Variants in CLINT1 observed in about 807,000 individuals in gnomAD.
CLINT1 encodes the protein clathrin interactor 1.
CLINT1 carries 15 observed loss-of-function variants against 70.4 expected under a neutral mutation model. The ratio of observed to expected loss-of-function variants is 0.21; its 90% CI spans 0.14 to 0.33. The LOEUF is 0.33. Among genes scored for constraint, CLINT1 ranks in the 10% least tolerant of loss-of-function variants. CLINT1 has a pLI of 1.00. For missense variants in CLINT1, 615 were observed against 778.1 expected, an observed-to-expected ratio of 0.79 and a Z score of 2.49; for synonymous variants, 227 against 254.7, an observed-to-expected ratio of 0.89 and a Z score of 1.04.
intron 7 of CLINT1, among the ~76,000 whole-genome samples, chr5:157,804,643 T>C (rs1364226937): frequency 1.3e-5 from 2 of 151,994 alleles, no homozygotes; most frequent in Non-Finnish European, 2.9e-5. Flanking sequence ...AAGCTTGTAC[T>C]GCCGGGCGCG....
At chr5:157,843,771 T>A (rs1753275673) in intron 1 of CLINT1, among the ~76,000 whole-genome samples, 1 of 152,132 alleles carries the variant, frequency 6.6e-6, no homozygotes, top group African/African-American at 2.4e-5. Flanking sequence ...TAAAATCAGT[T>A]AGCCTTAAAA....
At chr5:157,833,553 T>C (rs1763316448) in intron 1 of CLINT1, among the ~76,000 whole-genome samples, 1 of 152,088 alleles carries the variant, frequency 6.6e-6, no homozygotes, top group Non-Finnish European at 1.5e-5. Context: ...TGCCACTTCC[T>C]CCAAGAAACC....
At chr5:157,813,316 T>G in intron 4 of CLINT1, 89 bp from the exon 5 acceptor site, 1 of 1,197,258 alleles carries the variant, frequency 8.4e-7, no homozygotes. Flanking sequence ...CACAAAAACT[T>G]CAACATAAGA....
chr5:157,840,334 A>G (rs1445586655), intron 1 of CLINT1, among the ~76,000 whole-genome samples: 1 of 152,098 alleles, frequency 6.6e-6, no homozygotes, highest in Non-Finnish European at 1.5e-5. Context: ...CTCTTCATTA[A>G]AAGAGACTAG....
chr5:157,854,108 T>C (rs1581553516), intron 1 of CLINT1, among the ~76,000 whole-genome samples: 1 of 152,352 alleles, frequency 6.6e-6, no homozygotes, highest in Non-Finnish European at 1.5e-5. Context: ...ACTATCTTAC[T>C]ATCTCTGCTT....
At chr5:157,817,291 T>A (rs1344296501) in intron 2 of CLINT1, among the ~76,000 whole-genome samples, 152 bp downstream of exon 2, 1 of 152,138 alleles carries the variant, frequency 6.6e-6, no homozygotes, top group Non-Finnish European at 1.5e-5. Flanking sequence ...CTTTCCACAT[T>A]AGTATCTGAA....
In CLINT1 at chr5:157,792,010, AC is replaced by A. The variant is rs1277710167; in HGVS notation, c.1088-16del. 1 of 1,602,906 alleles carries A rather than the reference AC, an allele frequency of 6.2e-7. No homozygotes were observed. Among genetic ancestry groups the A allele is most frequent in the South Asian group, 1.1e-5 (1 of 89,764 alleles). On this transcript the variant is annotated splice_polypyrimidine_tract_variant and intron_variant, in intron 9 of 11. Transcript: ENST00000411809. ...TGTTGCTGTTACTAAGACAGAAATA[AC>A]TCTAAGGGTAAGAAACTTCATGGAA...
chr5:157,797,064 A>G (rs1397379058), intron 8 of CLINT1, among the ~76,000 whole-genome samples: 3 of 152,192 alleles, frequency 2.0e-5, no homozygotes, highest in Non-Finnish European at 4.4e-5. Flanking sequence ...ATAAAATGTG[A>G]CAAGGAACAC....
At chr5:157,838,314 G>C (rs549410416) in intron 1 of CLINT1, among the ~76,000 whole-genome samples, 61 of 152,012 alleles carry the variant, frequency 4.0e-4, no homozygotes, top group Non-Finnish European at 7.1e-4. Context: ...GTAAAGTCTG[G>C]GTTTTGCCAC....
intron 1 of CLINT1, among the ~76,000 whole-genome samples, chr5:157,845,682 G>C (rs1199955148): frequency 6.6e-6 from 1 of 151,630 alleles, no homozygotes; most frequent in Non-Finnish European, 1.5e-5. Flanking sequence ...CTCCCAAGTA[G>C]CTGGGACCAC....
At chr5:157,851,186 T>C (rs1176512636) in intron 1 of CLINT1, among the ~76,000 whole-genome samples, 3 of 152,230 alleles carry the variant, frequency 2.0e-5, no homozygotes, top group Non-Finnish European at 4.4e-5. Flanking sequence ...TTTCAATGCA[T>C]GCCTTTTTTC....
intron 1 of CLINT1, among the ~76,000 whole-genome samples, chr5:157,830,012 G>A (rs888832680): frequency 1.4e-5 from 2 of 147,924 alleles, no homozygotes; most frequent in Non-Finnish European, 3.0e-5. Context: ...GCAGTGGTGC[G>A]ATGATGCCTG....
At chr5:157,791,082 G>A (rs539060117) in intron 10 of CLINT1, among the ~76,000 whole-genome samples, 14 of 151,620 alleles carry the variant, frequency 9.2e-5, no homozygotes, top group Admixed American at 4.6e-4. Context: ...TTTTTGAGAC[G>A]GAGTATCACT....
chr5:157,821,604 T>C (rs977765467), intron 1 of CLINT1, among the ~76,000 whole-genome samples: 9 of 152,214 alleles, frequency 5.9e-5, no homozygotes, highest in Non-Finnish European at 1.3e-4. Context: ...ACTCAACATA[T>C]TAACTTTCTC....
chr5:157,791,595 A>C (rs575555426), intron 10 of CLINT1, 108 bp downstream of exon 10: 2 of 1,016,710 alleles, frequency 2.0e-6, no homozygotes, highest in Non-Finnish European at 2.9e-6. Flanking sequence ...ATTCATACAC[A>C]TAAAAAGGAC....
intron 1 of CLINT1, among the ~76,000 whole-genome samples, chr5:157,838,892 A>G (rs1763522909): frequency 6.6e-6 from 1 of 152,244 alleles, no homozygotes; most frequent in African/African-American, 2.4e-5. Flanking sequence ...TAGTGAAAAT[A>G]GAACAGAAAT....
At chr5:157,806,965 A>G (rs1280002112) in intron 6 of CLINT1, among the ~76,000 whole-genome samples, 3 of 26,592 alleles carry the variant, frequency 1.1e-4, no homozygotes, top group Non-Finnish European at 2.5e-4. Flanking sequence ...TGTAAGTAGG[A>G]GAGAGAGAGA....
intron 8 of CLINT1, among the ~76,000 whole-genome samples, chr5:157,797,606 G>A (rs1010203094): frequency 1.3e-5 from 2 of 151,908 alleles, no homozygotes; most frequent in African/African-American, 4.8e-5. Context: ...GGCTGGTCTC[G>A]AACTCCCGAC....
At chr5:157,804,524 C>T (rs956720523) in intron 7 of CLINT1, among the ~76,000 whole-genome samples, 3 of 152,226 alleles carry the variant, frequency 2.0e-5, no homozygotes, top group Middle Eastern at 3.4e-3. Context: ...ACTGTGATTC[C>T]AAAACACCTT....
Sources: gnomAD v4.1 joint callset for allele counts (sites outside exome capture counted in the v4.1 genomes callset) on GRCh38, gnomAD v4.1.1 for gene constraint, MANE v1.5 for transcripts, NCBI Gene and HGNC (gene_info 2026-07-23, HGNC 2026-07-21) for gene names.